SLC44A3: variants seen among roughly 807,000 people sequenced by gnomAD.
The protein encoded by SLC44A3 is choline transporter-like protein 3.
A neutral mutation model predicts 75.4 loss-of-function variants in SLC44A3; 74 were observed. That is an observed-to-expected ratio of 0.98 (90% CI 0.81 to 1.19). SLC44A3 has a LOEUF of 1.19. Ranked by LOEUF, SLC44A3 falls within the 50% of genes most tolerant of loss-of-function variation. SLC44A3 has a pLI of 0.00. For synonymous variants in SLC44A3, 310 were observed against 296.9 expected, an observed-to-expected ratio of 1.04 and a Z score of -0.45; for missense variants, 700 against 778.6, an observed-to-expected ratio of 0.90 and a Z score of 1.20.
In SLC44A3 at chr1:94,824,607, CT is replaced by C. The variant is rs1343122539; in HGVS notation, c.253del (p.Ser85GlnfsTer5). On this transcript the variant is annotated frameshift_variant, in exon 3 of 15. Transcript: ENST00000271227. LOFTEE classifies it high-confidence loss of function. ...KKNSPVEGAPLSGQDMTLKKH... is the reference protein window; with the variant it reads ...KKNSPVEGAPXSGQDMTLKKH... ...GAACTCCCCCGTGGAAGGGGCCCCT[CT>C]TTCAGGGCAGGACATGACCCTAAAA... 3 of 1,607,294 alleles carry C rather than the reference CT, an allele frequency of 1.9e-6. No homozygotes were observed. The East Asian group carries it at 6.8e-5, about 36-fold the overall frequency.
At chr1:94,883,441 G>A (rs1304865599) in intron 12 of SLC44A3, among the ~76,000 whole-genome samples, 2 of 152,154 alleles carry the variant, frequency 1.3e-5, no homozygotes, top group Non-Finnish European at 2.9e-5. Context: ...AGGAGGTTGA[G>A]GCTGTAGTGA....
chr1:94,855,869 T>C (rs951720371), intron 9 of SLC44A3, among the ~76,000 whole-genome samples: 2 of 152,242 alleles, frequency 1.3e-5, no homozygotes, highest in African/African-American at 4.8e-5. Context: ...CTTCAAGCTA[T>C]AGGTTTCACC....
At chr1:94,885,707 C>A (rs774699474) in intron 12 of SLC44A3, among the ~76,000 whole-genome samples, 22 of 152,182 alleles carry the variant, frequency 1.4e-4, no homozygotes, top group Non-Finnish European at 2.9e-4. Flanking sequence ...CACTACTTTA[C>A]CTCTCTGTGC....
chr1:94,882,237 G>A (rs895445780), intron 12 of SLC44A3, among the ~76,000 whole-genome samples: 1 of 152,182 alleles, frequency 6.6e-6, no homozygotes, highest in Non-Finnish European at 1.5e-5. Context: ...CAGGGTGACA[G>A]CACTACTATG....
chr1:94,868,416 T>C (rs533624464), intron 12 of SLC44A3, among the ~76,000 whole-genome samples: 10 of 152,346 alleles, frequency 6.6e-5, no homozygotes, highest in African/African-American at 2.4e-4. Context: ...TGTAGCCTTC[T>C]TATAGTAAGG....
chr1:94,876,065 C>T (rs1213562786), intron 12 of SLC44A3, among the ~76,000 whole-genome samples: 9 of 152,220 alleles, frequency 5.9e-5, no homozygotes, highest in African/African-American at 4.8e-5. Context: ...CCTATGCCCT[C>T]CCACCCACAG....
chr1:94,824,023 G>A (rs1371902846), intron 2 of SLC44A3, among the ~76,000 whole-genome samples: 1 of 151,424 alleles, frequency 6.6e-6, no homozygotes, highest in Non-Finnish European at 1.5e-5. Flanking sequence ...CAGTGTTTCA[G>A]TACATATCAA....
chr1:94,868,955 G>T (rs561639051), intron 12 of SLC44A3, among the ~76,000 whole-genome samples: 3 of 152,368 alleles, frequency 2.0e-5, no homozygotes, highest in South Asian at 2.1e-4. Flanking sequence ...CAGAGAAATG[G>T]CTGAGGTGGA....
intron 3 of SLC44A3, 98 bp downstream of exon 3, chr1:94,824,733 C>T (rs1661075988): frequency 2.9e-6 from 4 of 1,396,328 alleles, no homozygotes; most frequent in South Asian, 1.5e-5. Flanking sequence ...CCATTCAAAA[C>T]TCTGTCAGCC....
chr1:94,876,458 T>C (rs1272018251), intron 12 of SLC44A3, among the ~76,000 whole-genome samples: 1 of 152,220 alleles, frequency 6.6e-6, no homozygotes, highest in Non-Finnish European at 1.5e-5. Context: ...TGTAGGCACG[T>C]TCCTCGGCTG....
At chr1:94,884,815 G>A (rs911901031) in intron 12 of SLC44A3, among the ~76,000 whole-genome samples, 6 of 152,116 alleles carry the variant, frequency 3.9e-5, no homozygotes, top group Non-Finnish European at 7.4e-5. Context: ...GTAAAAAAAC[G>A]CTCTTTCTAT....
At chr1:94,880,329 T>C (rs1270724058) in intron 12 of SLC44A3, among the ~76,000 whole-genome samples, 2 of 152,314 alleles carry the variant, frequency 1.3e-5, no homozygotes, top group East Asian at 1.9e-4. Context: ...CAGTAGAATA[T>C]TATGTATCCA....
intron 12 of SLC44A3, among the ~76,000 whole-genome samples, chr1:94,880,909 A>AT (rs112736814): frequency 6.6e-6 from 1 of 151,460 alleles, no homozygotes; most frequent in South Asian, 2.1e-4. Flanking sequence ...ATGACAAAAA[A>AT]AAAAAAGGCA....
At chr1:94,871,737 G>C (rs946384618) in intron 12 of SLC44A3, among the ~76,000 whole-genome samples, 1 of 152,150 alleles carries the variant, frequency 6.6e-6, no homozygotes, top group African/African-American at 2.4e-5. Flanking sequence ...AATTTTTATA[G>C]GCAAATAGCA....
chr1:94,851,972 C>T (rs531261827), intron 9 of SLC44A3, among the ~76,000 whole-genome samples: 7 of 152,354 alleles, frequency 4.6e-5, no homozygotes, highest in South Asian at 4.1e-4. Context: ...TCCAGACTTA[C>T]AGCTAACTGC....
At position 94,820,457 on chromosome 1, in the gene SLC44A3, CT is replaced by C. The variant is rs1429818775; in HGVS notation, c.7del (p.Cys3AlafsTer87). 6.7e-7 allele frequency: 1 copy of C among 1,488,172 alleles called. No homozygotes were observed. The highest frequency in any genetic ancestry group is 2.8e-5 in the East Asian group (1 of 35,428). 92.2% of individuals were successfully genotyped at this position (1,488,172 alleles called of 1,614,324 possible). A position where few individuals can be genotyped will look rare whatever the true frequency, so the allele number is the denominator to read the frequency against. On this transcript the variant is annotated frameshift_variant, in exon 1 of 15. Coordinates refer to ENST00000271227, the MANE Select transcript of SLC44A3 (RefSeq NM_001114106.3). LOFTEE classifies it high-confidence loss of function. ...CCCCCGCCGGCGAGCGCACGATGCACTGCCTGGGCGCCGAGTACCTGGTAAG... is the reference window on the plus strand; with the variant it reads ...CCCCCGCCGGCGAGCGCACGATGCACGCCTGGGCGCCGAGTACCTGGTAAG... Reference protein sequence around the residue: MHCLGAEYLVSAE... With the variant: MHXLGAEYLVSAE...
chr1:94,878,681 A>C (rs1272414164), intron 12 of SLC44A3, among the ~76,000 whole-genome samples: 1 of 152,232 alleles, frequency 6.6e-6, no homozygotes, highest in Non-Finnish European at 1.5e-5. Flanking sequence ...ACAAAGCCAC[A>C]GTAATGAAAA....
At chr1:94,839,544 A>G (rs1663298290) in intron 6 of SLC44A3, among the ~76,000 whole-genome samples, 1 of 152,058 alleles carries the variant, frequency 6.6e-6, no homozygotes, top group Admixed American at 6.6e-5. Context: ...GCCCGCCACC[A>G]TGCCTGGCTA....
chr1:94,839,325 G>A (rs2101038691), intron 6 of SLC44A3, among the ~76,000 whole-genome samples: 1 of 152,006 alleles, frequency 6.6e-6, no homozygotes, highest in Middle Eastern at 3.4e-3. Context: ...TGGTTCATTT[G>A]GACTTGTAAG....
Sources: gnomAD v4.1 joint callset for allele counts (sites outside exome capture counted in the v4.1 genomes callset) on GRCh38, gnomAD v4.1.1 for gene constraint, MANE v1.5 for transcripts, NCBI Gene and HGNC (gene_info 2026-07-23, HGNC 2026-07-21) for gene names.